The following GTF2E2 variants were observed in gnomAD, a reference collection of about 807,000 sequenced individuals.
GTF2E2 encodes the protein general transcription factor IIE subunit 2.
Under a neutral mutation model 40.5 loss-of-function variants are expected in GTF2E2, and 21 were observed. The observed-to-expected ratio is 0.52, with a 90% CI of 0.37 to 0.75. The LOEUF is 0.75. Ranked by LOEUF, GTF2E2 falls within the 30% of genes least tolerant of loss-of-function variation. The pLI is 0.00. For missense variants in GTF2E2, 298 were observed against 338.4 expected, an observed-to-expected ratio of 0.88 and a Z score of 0.94; for synonymous variants, 117 against 121.6, an observed-to-expected ratio of 0.96 and a Z score of 0.25.
At chr8:30,652,215 G>A (rs1277951007) in intron 2 of GTF2E2, among the ~76,000 whole-genome samples, 1 of 151,992 alleles carries the variant, frequency 6.6e-6, no homozygotes, top group Non-Finnish European at 1.5e-5. Context: ...AAAAAAACTG[G>A]TAAGGTGGAC....
chr8:30,598,071 G>A (rs2979524), intron 6 of GTF2E2, among the ~76,000 whole-genome samples: 3,919 of 152,274 alleles, frequency 0.026, 70 homozygotes, highest in African/African-American at 0.031. Flanking sequence ...TGTGAAAACT[G>A]TATCCATTTC....
At chr8:30,610,895 T>C (rs553136628) in intron 5 of GTF2E2, among the ~76,000 whole-genome samples, 15 of 152,272 alleles carry the variant, frequency 9.9e-5, no homozygotes, top group African/African-American at 1.7e-4. Flanking sequence ...ACCTACAGAA[T>C]GGGAGAAAAT....
intron 2 of GTF2E2, among the ~76,000 whole-genome samples, chr8:30,651,390 T>A (rs2128730363): frequency 6.6e-6 from 1 of 152,142 alleles, no homozygotes; most frequent in East Asian, 1.9e-4. Flanking sequence ...CTTGTTTCTA[T>A]ATACTAGCAA....
chr8:30,589,702 A>C (rs1180181115), intron 6 of GTF2E2, among the ~76,000 whole-genome samples: 1 of 152,352 alleles, frequency 6.6e-6, no homozygotes, highest in Admixed American at 6.5e-5. Flanking sequence ...GACATCTGTA[A>C]AGAACAGGCA....
intron 2 of GTF2E2, among the ~76,000 whole-genome samples, chr8:30,648,059 G>A (rs1802155784): frequency 1.3e-5 from 2 of 152,158 alleles, no homozygotes; most frequent in South Asian, 4.1e-4. Flanking sequence ...TGAAGAATGA[G>A]AATAATATGA....
At chr8:30,641,480 A>C (rs940110762) in intron 2 of GTF2E2, among the ~76,000 whole-genome samples, 1 of 152,070 alleles carries the variant, frequency 6.6e-6, no homozygotes, top group Non-Finnish European at 1.5e-5. Context: ...CCCCCACCTG[A>C]GCCTCCCAAG....
At position 30,645,304 on chromosome 8, in the gene GTF2E2, C is replaced by CT. The variant is rs1563508528; in HGVS notation, c.166+8128dup. On this transcript the variant is annotated intron_variant, in intron 2 of 7. Coordinates refer to ENST00000355904, the MANE Select transcript of GTF2E2 (RefSeq NM_002095.6). The stretch of plus-strand genomic sequence containing the variant: ...AGATTCAAAAGAGCAAGTGGAATCT[C>CT]TAAGAATGGCTTCCAGCCACTGGAA... The CT allele has an allele frequency of 1.9e-5, 29 of 1,533,546 alleles. No individual in the cohort carries two copies. The East Asian group carries it at 5.6e-4, about 30-fold the overall frequency. The allele number at this position is 1,533,546 out of a possible 1,614,324, so 95.0% of individuals were successfully genotyped here. A position where few individuals can be genotyped will look rare whatever the true frequency, so the allele number is the denominator to read the frequency against.
At position 30,633,357 on chromosome 8, in the gene GTF2E2, T is replaced by C. The variant is rs186968459; in HGVS notation, c.258+1675A>G. Among the ~76,000 whole-genome samples, 815 of 152,312 alleles carry C rather than the reference T, an allele frequency of 5.4e-3. 4 individuals are homozygous for C. Among genetic ancestry groups the C allele is most frequent in the Non-Finnish European group, 8.8e-3 (597 of 68,018 alleles). On this transcript the variant is annotated intron_variant, in intron 3 of 7. Coordinates refer to ENST00000355904, the MANE Select transcript of GTF2E2 (RefSeq NM_002095.6). ...CAATCATTAAGGGAGTTTGTTTTTA[T>C]ACTTTTAAATAATGACATTTAGATT...
At chr8:30,645,525 C>T (rs1802037635) in intron 2 of GTF2E2, 3 of 1,535,638 alleles carry the variant, frequency 2.0e-6, no homozygotes, top group African/African-American at 2.7e-5. Context: ...CCGTGAAAGA[C>T]TTGAAAAGTG....
At chr8:30,639,846 C>T (rs192845003) in intron 2 of GTF2E2, among the ~76,000 whole-genome samples, 2 of 151,592 alleles carry the variant, frequency 1.3e-5, no homozygotes, top group Non-Finnish European at 2.9e-5. Context: ...CCTGCAAAAC[C>T]CAAAGGTTGC....
chr8:30,628,987 T>C (rs1275657010), intron 3 of GTF2E2, among the ~76,000 whole-genome samples: 1 of 151,982 alleles, frequency 6.6e-6, no homozygotes, highest in Non-Finnish European at 1.5e-5. Context: ...TAAGAGATCA[T>C]GATTTTTCTT....
Position 30,629,443 on chromosome 8 carries a change from T to C in GTF2E2, c.258+5589A>G, listed in dbSNP as rs549702009. Among the ~76,000 whole-genome samples the C allele has an allele frequency of 3.3e-5, 5 of 152,170 alleles. No homozygotes were observed. The South Asian group carries it at 6.2e-4, about 19-fold the overall frequency. On this transcript the variant is annotated intron_variant, in intron 3 of 7. Coordinates refer to ENST00000355904, the MANE Select transcript of GTF2E2 (RefSeq NM_002095.6). ...TGCTCACGCCTGTAATCCCAGCACT[T>C]TGGGAGGCTGAGACGGGCAGATCAC... is the stretch of plus-strand genomic sequence containing the variant.
At chr8:30,646,352 C>T (rs1278804111) in intron 2 of GTF2E2, among the ~76,000 whole-genome samples, 1 of 151,648 alleles carries the variant, frequency 6.6e-6, no homozygotes, top group African/African-American at 2.4e-5. Flanking sequence ...GACTGCCCCT[C>T]CCCCCATCCC....
At chr8:30,645,372 T>C (rs961166732) in intron 2 of GTF2E2, 1 of 1,535,712 alleles carries the variant, frequency 6.5e-7, no homozygotes, top group Non-Finnish European at 8.7e-7. Flanking sequence ...GTTTTCAAGT[T>C]CAAAAAATTT....
chr8:30,601,963 A>G (rs773579342), intron 6 of GTF2E2, among the ~76,000 whole-genome samples: 3 of 152,098 alleles, frequency 2.0e-5, no homozygotes, highest in Non-Finnish European at 4.4e-5. Context: ...CAACTGTTTC[A>G]ATTCCATTCC....
intron 3 of GTF2E2, 140 bp from the exon 4 acceptor site, chr8:30,614,855 A>T: frequency 1.7e-6 from 1 of 577,440 alleles, no homozygotes; most frequent in Non-Finnish European, 3.0e-6. Context: ...GAAGAGCCAT[A>T]GACCATGAAA....
Position 30,582,284 on chromosome 8 carries a change from G to A in GTF2E2, c.644-1888C>T, listed in dbSNP as rs567263393. Among the ~76,000 whole-genome samples the A allele has an allele frequency of 1.1e-3, 161 of 152,254 alleles. 3 individuals carry two copies. In the South Asian group the frequency reaches 0.019, roughly 18 times the overall value. On this transcript the variant is annotated intron_variant, in intron 6 of 7. Coordinates refer to ENST00000355904, the MANE Select transcript of GTF2E2 (RefSeq NM_002095.6). ...GGCAATCCATCTGCCTTGGCCTCCC[G>A]AAGTGCTGGGATTACAGGTGTCGAG...
In GTF2E2 at chr8:30,650,424, T is replaced by A. The variant is rs567070356; in HGVS notation, c.166+3009A>T. ...AAAACTCTCAGTCAGATGCAGTAGC[T>A]TATGCCTATAATCCCAGCACTTTGG... On this transcript the variant is annotated intron_variant, in intron 2 of 7. Coordinates refer to ENST00000355904, the MANE Select transcript of GTF2E2 (RefSeq NM_002095.6). Among the ~76,000 whole-genome samples, 10 of 152,070 alleles carry A rather than the reference T, an allele frequency of 6.6e-5. No individual in the cohort carries two copies. The South Asian group carries it at 2.1e-3, about 32-fold the overall frequency.
intron 6 of GTF2E2, among the ~76,000 whole-genome samples, chr8:30,598,795 T>C (rs111373879): frequency 1.3e-5 from 2 of 152,232 alleles, no homozygotes; most frequent in East Asian, 1.9e-4. Flanking sequence ...AAATGTTCAG[T>C]TGACAAAGAG....
Sources: gnomAD v4.1 joint callset for allele counts (sites outside exome capture counted in the v4.1 genomes callset) on GRCh38, gnomAD v4.1.1 for gene constraint, MANE v1.5 for transcripts, NCBI Gene and HGNC (gene_info 2026-07-23, HGNC 2026-07-21) for gene names.